TRIQK: variants seen among roughly 807,000 people sequenced by gnomAD.
TRIQK encodes triple QxxK/R motif-containing protein.
In TRIQK, 10 loss-of-function variants were observed where a neutral mutation model predicts 10.8. The ratio of observed to expected loss-of-function variants is 0.92; its 90% CI spans 0.57 to 1.57. TRIQK has a LOEUF of 1.57. Ranked by LOEUF, TRIQK falls within the 40% of genes most tolerant of loss-of-function variation. The pLI, the probability that TRIQK is intolerant of heterozygous loss-of-function variation, is 0.00. For missense variants in TRIQK, 107 were observed against 97.7 expected (o/e 1.09, Z -0.40); for synonymous variants, 33 against 33.7 (o/e 0.98, Z 0.07).
chr8:92,914,705 C>A (rs145256307), intron 3 of TRIQK, among the ~76,000 whole-genome samples: 1 of 151,984 alleles, frequency 6.6e-6, no homozygotes, highest in African/African-American at 2.4e-5. Flanking sequence ...ATGTCTCACA[C>A]GTGTTAGGAT....
chr8:92,891,169 C>T (rs1337987527), intron 4 of TRIQK, among the ~76,000 whole-genome samples: 1 of 151,822 alleles, frequency 6.6e-6, no homozygotes, highest in Admixed American at 6.6e-5. Context: ...GGCAGTTCAA[C>T]AGCTGTTACA....
intron 1 of TRIQK, among the ~76,000 whole-genome samples, chr8:92,987,220 A>C (rs556758533): frequency 9.2e-4 from 140 of 152,308 alleles, no homozygotes; most frequent in African/African-American, 3.2e-3. Context: ...GACTTACTTA[A>C]GTGACATTCT....
At chr8:92,952,265 G>A (rs1019551513) in intron 2 of TRIQK, among the ~76,000 whole-genome samples, 2 of 151,930 alleles carry the variant, frequency 1.3e-5, no homozygotes, top group African/African-American at 4.8e-5. Flanking sequence ...ATCTTAAGAA[G>A]GAACCAAAAG....
At chr8:92,963,269 A>T (rs999272605) in intron 1 of TRIQK, among the ~76,000 whole-genome samples, 3 of 152,188 alleles carry the variant, frequency 2.0e-5, no homozygotes, top group Non-Finnish European at 2.9e-5. Context: ...TTCCTTATCC[A>T]ATAACAACTT....
chr8:92,916,114 CT>C (rs1266656982), intron 3 of TRIQK, among the ~76,000 whole-genome samples: 1 of 151,950 alleles, frequency 6.6e-6, no homozygotes, highest in Admixed American at 6.6e-5. Flanking sequence ...GGGAAGTTAC[CT>C]TTTTGCTTCT....
intron 3 of TRIQK, among the ~76,000 whole-genome samples, chr8:92,898,563 G>A (rs1312485328): frequency 6.6e-6 from 1 of 151,814 alleles, no homozygotes; most frequent in Non-Finnish European, 1.5e-5. Flanking sequence ...GATTTTCAGA[G>A]GTTTTTACTT....
At chr8:92,931,728 C>T (rs1180875388) in intron 2 of TRIQK, among the ~76,000 whole-genome samples, 1 of 152,100 alleles carries the variant, frequency 6.6e-6, no homozygotes, top group Non-Finnish European at 1.5e-5. Context: ...AGCCAGAACA[C>T]TTTTGAGAGT....
chr8:92,917,788 C>A (rs1216648761), intron 2 of TRIQK, among the ~76,000 whole-genome samples: 1 of 151,880 alleles, frequency 6.6e-6, no homozygotes, highest in Non-Finnish European at 1.5e-5. Context: ...TATTGTTAAT[C>A]ATAATTTTCC....
chr8:92,978,227 C>T lies in TRIQK; in HGVS notation c.-180-23663G>A, dbSNP rs150901780. ...TTCTTAACTCAGGCACACCACCAGG[C>T]TCTACCTGGGTCTCCTCTCCATGTG... is the stretch of plus-strand genomic sequence containing the variant. On this transcript the variant is annotated intron_variant, in intron 1 of 4. Transcript: ENST00000520686. 3.5e-3 allele frequency among the ~76,000 whole-genome samples: 530 copies of T among 152,230 alleles called. 4 individuals carry two copies. The highest frequency in any genetic ancestry group is 0.012 in the African/African-American group (505 of 41,558).
At chr8:92,990,975 T>A (rs947684139) in intron 1 of TRIQK, among the ~76,000 whole-genome samples, 2 of 152,150 alleles carry the variant, frequency 1.3e-5, no homozygotes, top group African/African-American at 4.8e-5. Flanking sequence ...CCCACCCTCA[T>A]GGAGCCCAGC....
At chr8:92,944,954 CTT>C (rs1365401113) in intron 2 of TRIQK, among the ~76,000 whole-genome samples, 1 of 152,042 alleles carries the variant, frequency 6.6e-6, no homozygotes, top group Non-Finnish European at 1.5e-5. Flanking sequence ...ATTAAAACAT[CTT>C]ACTGTACCCT....
At position 92,896,701 on chromosome 8, in the gene TRIQK, C is replaced by T. The variant is rs1808617292; in HGVS notation, c.62-4627G>A. ...CAGCTTTAAGATTTAATGTTGTTTT[C>T]CCTGTTGGGTTTTGGACTTGCTTGG... On this transcript the variant is annotated intron_variant, in intron 3 of 4. Coordinates refer to ENST00000521988, the MANE Select transcript of TRIQK (RefSeq NM_001171797.2). Among the ~76,000 whole-genome samples, 4 of 152,050 alleles carry T rather than the reference C, an allele frequency of 2.6e-5. No individual in the cohort carries two copies. The South Asian group carries it at 8.3e-4, about 32-fold the overall frequency.
intron 1 of TRIQK, among the ~76,000 whole-genome samples, chr8:92,987,387 A>G (rs1368352405): frequency 6.6e-6 from 1 of 152,220 alleles, no homozygotes; most frequent in Non-Finnish European, 1.5e-5. Flanking sequence ...TAAAAGGAGA[A>G]TTAGTTTTCC....
chr8:92,957,224 A>T (rs1037369353), intron 1 of TRIQK, among the ~76,000 whole-genome samples: 2 of 151,856 alleles, frequency 1.3e-5, no homozygotes, highest in African/African-American at 4.8e-5. Context: ...ATATACATAC[A>T]TGTGTACATA....
At chr8:92,946,458 CAT>C (rs1811536889) in intron 2 of TRIQK, among the ~76,000 whole-genome samples, 1 of 152,100 alleles carries the variant, frequency 6.6e-6, no homozygotes, top group African/African-American at 2.4e-5. Context: ...GTATGAAACT[CAT>C]AAACCAGGAC....
chr8:93,013,276 C>A (rs1396555526), intron 1 of TRIQK, among the ~76,000 whole-genome samples: 2 of 152,178 alleles, frequency 1.3e-5, no homozygotes, highest in African/African-American at 4.8e-5. Context: ...TTTGGATTGA[C>A]TCTCATCTCA....
chr8:92,974,866 G>T (rs138747856), intron 1 of TRIQK: 3 of 152,332 alleles, frequency 2.0e-5, no homozygotes, highest in African/African-American at 7.2e-5. Flanking sequence ...TATGTCTTCT[G>T]CAGGGCCTTG....
chr8:92,941,073 T>C (rs1245823216), intron 2 of TRIQK: 3 of 152,074 alleles, frequency 2.0e-5, no homozygotes, highest in African/African-American at 7.2e-5. Flanking sequence ...TTATTATTTA[T>C]TTATTTATTT....
chr8:93,011,469 A>G (rs1212756422), intron 1 of TRIQK, among the ~76,000 whole-genome samples: 1 of 152,142 alleles, frequency 6.6e-6, no homozygotes, highest in Non-Finnish European at 1.5e-5. Context: ...GGTTATAGGT[A>G]GTATTTAAAA....
Sources: allele counts gnomAD v4.1 joint callset (sites outside exome capture counted in the v4.1 genomes callset), GRCh38; gene constraint gnomAD v4.1.1; transcripts MANE v1.5; gene names NCBI Gene and HGNC (gene_info 2026-07-23, HGNC 2026-07-21).